Variants in ARMC2 observed in about 807,000 individuals in gnomAD.
ARMC2 encodes the protein armadillo repeat-containing protein 2.
Under a neutral mutation model 90.3 loss-of-function variants are expected in ARMC2, and 67 were observed. The ratio of observed to expected loss-of-function variants is 0.74; its 90% CI spans 0.61 to 0.91. The LOEUF is 0.91. Ranked by LOEUF, ARMC2 falls within the 40% of genes least tolerant of loss-of-function variation. The pLI is 0.00. For missense variants in ARMC2, 920 were observed against 1,030.9 expected (o/e 0.89, Z 1.47); for synonymous variants, 393 against 393.0 (o/e 1.00, Z 0.00).
chr6:108,921,930 A>T (rs114290466), intron 10 of ARMC2, among the ~76,000 whole-genome samples: 1,549 of 152,314 alleles, frequency 0.01, 26 homozygotes, highest in African/African-American at 0.035. Context: ...GTAGGGAGGC[A>T]ATAGACCAAG....
At chr6:108,996,220 C>T in the ARMC2 span, among the ~76,000 whole-genome samples, 1 of 152,174 alleles carries the variant, frequency 6.6e-6, no homozygotes, top group East Asian at 1.9e-4. Flanking sequence ...AAGAGACAAT[C>T]TATATCACTT....
At chr6:108,921,205 C>A (rs1774533057) in intron 10 of ARMC2, among the ~76,000 whole-genome samples, 1 of 152,156 alleles carries the variant, frequency 6.6e-6, no homozygotes, top group Non-Finnish European at 1.5e-5. Context: ...CAAAATTTCT[C>A]CTGTATTGAA....
In ARMC2 at chr6:108,961,618, A is replaced by G; in HGVS notation, c.1962A>G (p.Thr654=). ...DDCEELVINA[T]ATINNLSYYQ... The stretch of plus-strand genomic sequence containing the variant: ...GTGAGGAGCTGGTGATCAATGCTAC[A>G]GCGACAATCAACAATTTATCTTACT... The change falls in exon 14 of 18, where the codon ACA becomes ACG. Residue 654 remains threonine (T), a synonymous_variant. Coordinates refer to ENST00000392644, the MANE Select transcript of ARMC2 (RefSeq NM_032131.6). The G allele has an allele frequency of 6.2e-7, 1 of 1,612,516 alleles. No individual in the cohort carries two copies. The highest frequency in any genetic ancestry group is 8.5e-7 in the Non-Finnish European group (1 of 1,179,412).
At chr6:109,029,407 T>C in the ARMC2 span, among the ~76,000 whole-genome samples, 1 of 152,232 alleles carries the variant, frequency 6.6e-6, no homozygotes, top group South Asian at 2.1e-4. Flanking sequence ...TGATTTTGCT[T>C]TATTAAATCT....
chr6:108,919,732 G>T (rs936833527), intron 10 of ARMC2, among the ~76,000 whole-genome samples: 2 of 152,060 alleles, frequency 1.3e-5, no homozygotes, highest in African/African-American at 2.4e-5. Context: ...GATACAGAAG[G>T]TTTCTGTCAC....
intron 17 of ARMC2, among the ~76,000 whole-genome samples, chr6:108,972,752 G>A (rs990708693): frequency 1.3e-5 from 2 of 151,956 alleles, no homozygotes; most frequent in Admixed American, 6.6e-5. Context: ...CAGCCTCAAT[G>A]TCCCGTGCTC....
intron 6 of ARMC2, among the ~76,000 whole-genome samples, chr6:108,898,198 G>A (rs1331166195): frequency 6.6e-6 from 1 of 152,104 alleles, no homozygotes; most frequent in Non-Finnish European, 1.5e-5. Flanking sequence ...CTTGTCCTTT[G>A]TGCAAAGTAA....
chr6:108,942,227 T>C (rs534967992), intron 12 of ARMC2, among the ~76,000 whole-genome samples: 1 of 152,340 alleles, frequency 6.6e-6, no homozygotes, highest in South Asian at 2.1e-4. Flanking sequence ...TTGGCACCTG[T>C]AAGGTGTTAA....
At chr6:108,882,331 C>T (rs561719812) in intron 5 of ARMC2, among the ~76,000 whole-genome samples, 106 of 151,212 alleles carry the variant, frequency 7.0e-4, no homozygotes, top group African/African-American at 2.4e-3. Context: ...CCCAGCTACT[C>T]GGGAGGTTGA....
chr6:108,988,732 C>A, the ARMC2 span: 9 of 1,483,382 alleles, frequency 6.1e-6, no homozygotes, highest in Non-Finnish European at 7.3e-6. Flanking sequence ...CAGTGTATAA[C>A]CTGTTTTCAT....
Position 108,922,433 on chromosome 6 carries a change from C to T in ARMC2, c.1351-5655C>T, listed in dbSNP as rs143676031. Among the ~76,000 whole-genome samples, 3 of 152,230 alleles carry T rather than the reference C, an allele frequency of 2.0e-5. No homozygotes were observed. The East Asian group carries it at 5.8e-4, about 29-fold the overall frequency. ...GATTACAGACCTGAGCCACTGGGCC[C>T]AGCCCCATATTTTAAGACAAATATT... On this transcript the variant is annotated intron_variant, in intron 10 of 17. Coordinates refer to ENST00000392644, the MANE Select transcript of ARMC2 (RefSeq NM_032131.6).
chr6:108,889,960 G>A (rs1030746381), intron 5 of ARMC2, among the ~76,000 whole-genome samples: 1 of 150,444 alleles, frequency 6.6e-6, no homozygotes, highest in Admixed American at 6.6e-5. Context: ...AGGCCGAGGC[G>A]GGCGGATCAC....
At chr6:108,849,911 G>A (rs1773831311) in intron 1 of ARMC2, among the ~76,000 whole-genome samples, 1 of 152,214 alleles carries the variant, frequency 6.6e-6, no homozygotes, top group Non-Finnish European at 1.5e-5. Context: ...CTTAACCACT[G>A]CCTCTTTGGA....
At position 108,968,021 on chromosome 6, in the gene ARMC2, C is replaced by T. The variant is rs114740202; in HGVS notation, c.2446+2881C>T. Among the ~76,000 whole-genome samples the T allele has an allele frequency of 9.2e-3, 1,408 of 152,222 alleles. 25 individuals carry two copies. Among genetic ancestry groups the T allele is most frequent in the African/African-American group, 0.033 (1,353 of 41,524 alleles). On this transcript the variant is annotated intron_variant, in intron 17 of 17. Transcript: ENST00000392644. ...ATCAGTCATGAATTGTGTAACTTGT[C>T]CTGTAATTATCCTGTATTATTATTT... is the stretch of plus-strand genomic sequence containing the variant.
At chr6:108,981,944 G>A in the ARMC2 span, among the ~76,000 whole-genome samples, 1 of 152,100 alleles carries the variant, frequency 6.6e-6, no homozygotes, top group Non-Finnish European at 1.5e-5. Context: ...TGGGATTACA[G>A]GTGTGAGCCA....
chr6:109,017,349 A>G, the ARMC2 span, among the ~76,000 whole-genome samples: 5 of 152,082 alleles, frequency 3.3e-5, no homozygotes, highest in African/African-American at 1.2e-4. Flanking sequence ...GCAGTGGTGC[A>G]ATCTTGGCTC....
Position 108,885,434 on chromosome 6 carries a change from C to T in ARMC2, c.672-9033C>T, listed in dbSNP as rs74298479. Among the ~76,000 whole-genome samples the T allele has an allele frequency of 4.7e-4, 72 of 152,188 alleles. No individual in the cohort carries two copies. In the East Asian group the frequency reaches 0.011, roughly 22 times the overall value. ...GAAAAAGTGATAATCTGGCTGGACA[C>T]GGTAACTCACACCTGTGATCTCAGC... On this transcript the variant is annotated intron_variant, in intron 5 of 17. Transcript: ENST00000392644.
At chr6:108,870,080 C>T (rs1776234525) in intron 4 of ARMC2, among the ~76,000 whole-genome samples, 1 of 152,020 alleles carries the variant, frequency 6.6e-6, no homozygotes. Flanking sequence ...ACCACTTTAC[C>T]AGGAGCTGAC....
intron 5 of ARMC2, among the ~76,000 whole-genome samples, chr6:108,885,576 G>A (rs2768534): frequency 0.78 from 118,356 of 151,546 alleles, 46,502 homozygotes; most frequent in South Asian, 0.85. Context: ...TGGGAGGCTG[G>A]GGCAGGAGAA....
Sources: gnomAD v4.1 joint callset for allele counts (sites outside exome capture counted in the v4.1 genomes callset) on GRCh38, gnomAD v4.1.1 for gene constraint, MANE v1.5 for transcripts, NCBI Gene and HGNC (gene_info 2026-07-23, HGNC 2026-07-21) for gene names.